The following AHCYL2 variants were observed in gnomAD, a reference collection of about 807,000 sequenced individuals.
AHCYL2 encodes adenosylhomocysteinase like 2.
A neutral mutation model predicts 81.4 loss-of-function variants in AHCYL2; 28 were observed. The ratio of observed to expected loss-of-function variants is 0.34; its 90% CI spans 0.25 to 0.47. AHCYL2 has a LOEUF of 0.47. AHCYL2 is among the 20% of genes least tolerant of loss of function. The pLI is 1.00. For synonymous variants in AHCYL2, 272 were observed against 290.2 expected (o/e 0.94, Z 0.64); for missense variants, 551 against 785.1 (o/e 0.70, Z 3.56).
chr7:129,416,816 A>C (rs1171308935), intron 12 of AHCYL2, among the ~76,000 whole-genome samples: 1 of 151,282 alleles, frequency 6.6e-6, no homozygotes, highest in Non-Finnish European at 1.5e-5. Context: ...TAAAAAAAAG[A>C]AAAAGAATAT....
chr7:129,420,035 T>C (rs1304964939), intron 12 of AHCYL2, among the ~76,000 whole-genome samples: 1 of 152,260 alleles, frequency 6.6e-6, no homozygotes, highest in Non-Finnish European at 1.5e-5. Flanking sequence ...TGGAGCTTCC[T>C]GGACAGTGGT....
chr7:129,389,253 T>C, intron 3 of AHCYL2, 54 bp downstream of exon 3: 1 of 1,604,464 alleles, frequency 6.2e-7, no homozygotes, highest in Non-Finnish European at 8.5e-7. Flanking sequence ...TTTTTGTCCA[T>C]ATTAATCCCT....
chr7:129,369,644 CT>C (rs1794283115), intron 1 of AHCYL2, among the ~76,000 whole-genome samples: 1 of 151,322 alleles, frequency 6.6e-6, no homozygotes, highest in Non-Finnish European at 1.5e-5. Flanking sequence ...CCTCCGCTTC[CT>C]GGGTTCAAGT....
At chr7:129,241,878 A>G (rs944902129) in intron 1 of AHCYL2, among the ~76,000 whole-genome samples, 1 of 151,794 alleles carries the variant, frequency 6.6e-6, no homozygotes, top group Admixed American at 6.6e-5. Flanking sequence ...GGGAGACAGA[A>G]AAAAAAAAAA....
rs566956623 is a variant in AHCYL2, at chr7:129,315,404, C to A, written c.364-64234C>A. 1.2e-4 allele frequency among the ~76,000 whole-genome samples: 19 copies of A among 152,256 alleles called. No homozygotes were observed. In the South Asian group the frequency reaches 3.9e-3, roughly 32 times the overall value. On this transcript the variant is annotated intron_variant, in intron 1 of 16. Coordinates refer to ENST00000325006, the MANE Select transcript of AHCYL2 (RefSeq NM_015328.4). ...TGCCTTTCCTGTTATACTCCAGCAA[C>A]ATCATGTCATTTGTTTCCCTTGCAT...
At chr7:129,347,924 T>C (rs1470181452) in intron 1 of AHCYL2, among the ~76,000 whole-genome samples, 3 of 152,202 alleles carry the variant, frequency 2.0e-5, no homozygotes, top group Non-Finnish European at 2.9e-5. Context: ...ACCAATCTAC[T>C]TTGGGTACCA....
At chr7:129,242,292 C>A (rs9641848) in intron 1 of AHCYL2, among the ~76,000 whole-genome samples, 142,614 of 151,892 alleles carry the variant, frequency 0.94, 67,587 homozygotes, top group East Asian at 1. Flanking sequence ...GGCTTCCTAA[C>A]GTGTTGGGAT....
chr7:129,382,892 G>A (rs1234810434), intron 2 of AHCYL2, among the ~76,000 whole-genome samples: 1 of 152,112 alleles, frequency 6.6e-6, no homozygotes, highest in Non-Finnish European at 1.5e-5. Flanking sequence ...GGCAACAAGA[G>A]TGAAACTATG....
chr7:129,348,393 A>AC (rs567237209), intron 1 of AHCYL2, among the ~76,000 whole-genome samples: 1,752 of 136,418 alleles, frequency 0.013, 34 homozygotes, highest in African/African-American at 0.03. Flanking sequence ...AGAAACAATA[A>AC]CCCCCCCCCC....
intron 1 of AHCYL2, among the ~76,000 whole-genome samples, chr7:129,336,198 A>G (rs1375515506): frequency 2.7e-5 from 4 of 150,244 alleles, no homozygotes; most frequent in Admixed American, 2.7e-4. Context: ...CTCCCAAGTA[A>G]CTGGGATTAC....
chr7:129,254,205 C>T (rs1000575916), intron 1 of AHCYL2, among the ~76,000 whole-genome samples: 1 of 151,934 alleles, frequency 6.6e-6, no homozygotes. Context: ...CAGAAAGGTC[C>T]CAATCATAAT....
intron 4 of AHCYL2, 114 bp downstream of exon 4, chr7:129,389,848 T>C (rs1795383109): frequency 1.3e-6 from 1 of 743,186 alleles, no homozygotes; most frequent in African/African-American, 1.8e-5. Context: ...ATTAGCTTAT[T>C]AATCCTTATA....
chr7:129,283,570 T>A (rs377082638), intron 1 of AHCYL2: 35 of 340,832 alleles, frequency 1.0e-4, no homozygotes, highest in East Asian at 7.7e-4. Context: ...TGACAGAAAT[T>A]TTCTAGACTT....
At chr7:129,270,231 G>A (rs1795962214) in intron 1 of AHCYL2, among the ~76,000 whole-genome samples, 1 of 152,152 alleles carries the variant, frequency 6.6e-6, no homozygotes, top group Non-Finnish European at 1.5e-5. Flanking sequence ...CGTCAGTTGT[G>A]TTTAGAACTG....
intron 1 of AHCYL2, among the ~76,000 whole-genome samples, chr7:129,262,235 A>G (rs1365730474): frequency 6.6e-6 from 1 of 152,248 alleles, no homozygotes; most frequent in Non-Finnish European, 1.5e-5. Context: ...AGGATCAGAA[A>G]ACATACTTTG....
intron 13 of AHCYL2, among the ~76,000 whole-genome samples, chr7:129,423,627 A>T (rs1212370699): frequency 6.6e-6 from 1 of 152,236 alleles, no homozygotes; most frequent in Non-Finnish European, 1.5e-5. Context: ...AGAGAAAGAT[A>T]CCAAAATATC....
intron 1 of AHCYL2, among the ~76,000 whole-genome samples, chr7:129,295,710 G>A (rs537263724): frequency 1.3e-5 from 2 of 152,344 alleles, no homozygotes; most frequent in African/African-American, 4.8e-5. Flanking sequence ...AGTGAAGGCC[G>A]TGAATGGCCA....
chr7:129,382,261 A>G (rs10954230), intron 2 of AHCYL2, among the ~76,000 whole-genome samples: 44,438 of 152,126 alleles, frequency 0.29, 7,736 homozygotes, highest in East Asian at 0.6. Flanking sequence ...ATATGCAAAT[A>G]TGTGTCAATA....
At chr7:129,299,429 T>A (rs1252078119) in intron 1 of AHCYL2, among the ~76,000 whole-genome samples, 2 of 121,324 alleles carry the variant, frequency 1.6e-5, no homozygotes, top group Non-Finnish European at 3.2e-5. Flanking sequence ...AGTCTCGCTC[T>A]GTCCCCCAGG....
Sources: allele counts gnomAD v4.1 joint callset (sites outside exome capture counted in the v4.1 genomes callset), GRCh38; gene constraint gnomAD v4.1.1; transcripts MANE v1.5; gene names NCBI Gene and HGNC (gene_info 2026-07-23, HGNC 2026-07-21).